The following SLC9A9 variants were observed in gnomAD, a reference collection of about 807,000 sequenced individuals.
The protein encoded by SLC9A9 is sodium/hydrogen exchanger 9.
Under a neutral mutation model 77.8 loss-of-function variants are expected in SLC9A9, and 62 were observed. The ratio of observed to expected loss-of-function variants is 0.80; its 90% confidence interval spans 0.65 to 0.98. The LOEUF is 0.98. Ranked by LOEUF, SLC9A9 falls within the 50% of genes least tolerant of loss-of-function variation. The pLI is 0.00. For synonymous variants in SLC9A9, 320 were observed against 283.5 expected (o/e 1.13, Z -1.29); for missense variants, 775 against 774.9 (o/e 1.00, Z 0.00).
At chr3:143,778,688 G>T (rs1325357288) in intron 4 of SLC9A9, among the ~76,000 whole-genome samples, 1 of 152,128 alleles carries the variant, frequency 6.6e-6, no homozygotes, top group African/African-American at 2.4e-5. Context: ...AGGAAAAAGA[G>T]AAAAACCTTC....
At chr3:143,306,239 C>G (rs569323121) in intron 14 of SLC9A9, among the ~76,000 whole-genome samples, 5 of 152,304 alleles carry the variant, frequency 3.3e-5, no homozygotes, top group Middle Eastern at 3.4e-3. Flanking sequence ...AGGTTGAGGC[C>G]TCCCCAGAGG....
chr3:143,695,780 T>G (rs2360864), intron 4 of SLC9A9, among the ~76,000 whole-genome samples: 65,276 of 151,886 alleles, frequency 0.43, 14,193 homozygotes, highest in South Asian at 0.6. Context: ...GTGGTTGAAC[T>G]AATTTACACT....
At chr3:143,672,324 G>A (rs2039169569) in intron 5 of SLC9A9, among the ~76,000 whole-genome samples, 1 of 151,776 alleles carries the variant, frequency 6.6e-6, no homozygotes, top group Non-Finnish European at 1.5e-5. Flanking sequence ...AGGGCCAGAA[G>A]GTGAAAAAGA....
chr3:143,287,748 A>G (rs774309441), intron 14 of SLC9A9, among the ~76,000 whole-genome samples: 1 of 152,208 alleles, frequency 6.6e-6, no homozygotes, highest in African/African-American at 2.4e-5. Context: ...GAATTGTTAC[A>G]CCTACAGACC....
chr3:143,366,222 A>C (rs949117027), intron 13 of SLC9A9, among the ~76,000 whole-genome samples: 3 of 151,840 alleles, frequency 2.0e-5, no homozygotes, highest in Non-Finnish European at 4.4e-5. Flanking sequence ...ATGCCCATTA[A>C]CTCCCAGGCA....
intron 14 of SLC9A9, among the ~76,000 whole-genome samples, chr3:143,351,625 G>A (rs576137661): frequency 1.3e-5 from 2 of 152,304 alleles, no homozygotes; most frequent in Admixed American, 1.3e-4. Flanking sequence ...AAAGATTGAG[G>A]TGGGGAAGAT....
At chr3:143,331,108 C>A (rs901830789) in intron 14 of SLC9A9, among the ~76,000 whole-genome samples, 3 of 152,164 alleles carry the variant, frequency 2.0e-5, no homozygotes. Context: ...GATGGATGAA[C>A]TATTTCTTCT....
At chr3:143,354,912 G>A (rs191453403) in intron 14 of SLC9A9, among the ~76,000 whole-genome samples, 2 of 152,302 alleles carry the variant, frequency 1.3e-5, no homozygotes, top group East Asian at 3.9e-4. Flanking sequence ...AGGTACAAGA[G>A]TAATAATTAT....
intron 4 of SLC9A9, among the ~76,000 whole-genome samples, chr3:143,700,411 C>G (rs1308714031): frequency 6.6e-6 from 1 of 151,792 alleles, no homozygotes; most frequent in Non-Finnish European, 1.5e-5. Flanking sequence ...ATCGGTAGAC[C>G]TGCCCTGGGC....
intron 9 of SLC9A9, among the ~76,000 whole-genome samples, chr3:143,524,180 G>GAAA (rs5853110): frequency 2.1e-5 from 3 of 145,876 alleles, no homozygotes; most frequent in African/African-American, 2.5e-5. Flanking sequence ...ACTGAAGATA[G>GAAA]AAAAAAAAAA....
At chr3:143,837,489 G>A (rs888878877) in intron 1 of SLC9A9, among the ~76,000 whole-genome samples, 7 of 152,070 alleles carry the variant, frequency 4.6e-5, no homozygotes, top group South Asian at 2.1e-4. Flanking sequence ...ATGAGGCATC[G>A]CCAATTCTCT....
At chr3:143,649,272 G>T (rs185563495) in intron 6 of SLC9A9, among the ~76,000 whole-genome samples, 19 of 152,292 alleles carry the variant, frequency 1.2e-4, no homozygotes, top group Middle Eastern at 3.4e-3. Flanking sequence ...AATCTATCAT[G>T]TGGAATTCAT....
chr3:143,483,846 T>G (rs910626904), intron 11 of SLC9A9, among the ~76,000 whole-genome samples: 1 of 152,162 alleles, frequency 6.6e-6, no homozygotes, highest in Non-Finnish European at 1.5e-5. Context: ...TTTGAACCCC[T>G]GAGGTGTGCT....
At chr3:143,404,899 T>C (rs1002721037) in intron 12 of SLC9A9, among the ~76,000 whole-genome samples, 1 of 152,254 alleles carries the variant, frequency 6.6e-6, no homozygotes, top group Non-Finnish European at 1.5e-5. Flanking sequence ...TGTCCCTGGA[T>C]CAGCGTAGCT....
chr3:143,473,759 A>T (rs1227839258), intron 11 of SLC9A9, among the ~76,000 whole-genome samples: 6 of 152,214 alleles, frequency 3.9e-5, no homozygotes, highest in African/African-American at 1.4e-4. Context: ...ATCTCCTTAC[A>T]TAGTTCTTAT....
At chr3:143,806,820 A>G (rs1258801535) in intron 2 of SLC9A9, among the ~76,000 whole-genome samples, 1 of 152,216 alleles carries the variant, frequency 6.6e-6, no homozygotes, top group Admixed American at 6.5e-5. Context: ...GAGCACAACA[A>G]GGTATGTATA....
chr3:143,515,751 A>T (rs2036194151), intron 9 of SLC9A9, among the ~76,000 whole-genome samples: 1 of 152,194 alleles, frequency 6.6e-6, no homozygotes, highest in South Asian at 2.1e-4. Flanking sequence ...GGTTAGTCAT[A>T]TGTATTTTTT....
intron 4 of SLC9A9, among the ~76,000 whole-genome samples, chr3:143,761,305 C>A (rs562697615): frequency 2.0e-5 from 3 of 152,110 alleles, no homozygotes; most frequent in Non-Finnish European, 4.4e-5. Flanking sequence ...GTCTAAAACA[C>A]CAAAAGCCAT....
At chr3:143,445,740 C>T (rs1576501461) in intron 12 of SLC9A9, among the ~76,000 whole-genome samples, 1 of 152,204 alleles carries the variant, frequency 6.6e-6, no homozygotes, top group Non-Finnish European at 1.5e-5. Context: ...GGCATATACA[C>T]TAGCCAATAG....
Sources: allele counts gnomAD v4.1 joint callset (sites outside exome capture counted in the v4.1 genomes callset), GRCh38; gene constraint gnomAD v4.1.1; transcripts MANE v1.5; gene names NCBI Gene and HGNC (gene_info 2026-07-23, HGNC 2026-07-21).